DGKG: variants seen among roughly 807,000 people sequenced by gnomAD.
DGKG encodes DAG kinase gamma.
A neutral mutation model predicts 105.3 loss-of-function variants in DGKG; 78 were observed. The observed-to-expected ratio is 0.74, with a 90% CI of 0.62 to 0.89. The LOEUF (loss-of-function observed/expected upper bound fraction) is 0.89, where lower values mean the gene tolerates loss of function less well. DGKG is among the 40% of genes least tolerant of loss of function. DGKG has a pLI of 0.00. For synonymous variants in DGKG, 346 were observed against 367.1 expected (o/e 0.94, Z 0.66); for missense variants, 958 against 1,020.1 (o/e 0.94, Z 0.83).
intron 16 of DGKG, among the ~76,000 whole-genome samples, chr3:186,259,481 T>G (rs1015644908): frequency 1.3e-5 from 2 of 152,224 alleles, no homozygotes; most frequent in Non-Finnish European, 2.9e-5. Flanking sequence ...TTATGTTTCT[T>G]TCTCTTTTTA....
At chr3:186,164,149 A>G (rs1176083524) in intron 23 of DGKG, among the ~76,000 whole-genome samples, 1 of 152,134 alleles carries the variant, frequency 6.6e-6, no homozygotes, top group Non-Finnish European at 1.5e-5. Flanking sequence ...CCTTTGGGAA[A>G]CCCAGTATCC....
rs80175081 is a variant in DGKG, at chr3:186,229,121, A to G, written c.1826+13383T>C. Among the ~76,000 whole-genome samples the G allele has an allele frequency of 3.4e-3, 521 of 152,320 alleles. 5 individuals carry two copies. Among genetic ancestry groups the G allele is most frequent in the African/African-American group, 0.012 (491 of 41,568 alleles). The stretch of plus-strand genomic sequence containing the variant: ...AGGCAAAGATTTGCGTGACTGATAC[A>G]TCTACAAGCTAAGGATGTCAGACTG... On this transcript the variant is annotated intron_variant, in intron 20 of 24. Coordinates refer to ENST00000265022, the MANE Select transcript of DGKG (RefSeq NM_001346.3).
At chr3:186,263,122 G>A (rs1019248753) in intron 14 of DGKG, among the ~76,000 whole-genome samples, 30 of 132,272 alleles carry the variant, frequency 2.3e-4, no homozygotes, top group African/African-American at 6.8e-4. Flanking sequence ...GCAAGACTCC[G>A]TCTCGGAAAA....
intron 1 of DGKG, among the ~76,000 whole-genome samples, chr3:186,337,404 TA>T (rs958139674): frequency 2.6e-5 from 4 of 151,586 alleles, no homozygotes; most frequent in East Asian, 3.9e-4. Context: ...TGAAATATAA[TA>T]AAAAAACAAA....
intron 3 of DGKG, 129 bp from the exon 4 acceptor site, chr3:186,298,358 CT>C (rs1172280451): frequency 3.6e-6 from 3 of 827,510 alleles, no homozygotes; most frequent in African/African-American, 1.7e-5. Flanking sequence ...CATGGAGGAG[CT>C]GATGGGGACA....
At chr3:186,246,079 C>G (rs1371109510) in intron 19 of DGKG, among the ~76,000 whole-genome samples, 1 of 152,180 alleles carries the variant, frequency 6.6e-6, no homozygotes, top group Non-Finnish European at 1.5e-5. Context: ...TCAAGTGATT[C>G]TCCTGCCTCA....
At chr3:186,352,246 T>G (rs903911772) in intron 1 of DGKG, among the ~76,000 whole-genome samples, 2 of 152,136 alleles carry the variant, frequency 1.3e-5, no homozygotes, top group African/African-American at 2.4e-5. Flanking sequence ...AAGTGGACAT[T>G]GGTCTGAGTC....
intron 1 of DGKG, among the ~76,000 whole-genome samples, chr3:186,345,571 C>A (rs77272908): frequency 0.016 from 2,407 of 152,156 alleles, 61 homozygotes; most frequent in African/African-American, 0.055. Context: ...ATTTAAGTGT[C>A]AGGAATGAAA....
intron 3 of DGKG, among the ~76,000 whole-genome samples, chr3:186,305,473 TGG>T (rs1322580079): frequency 6.6e-6 from 1 of 152,008 alleles, no homozygotes; most frequent in Non-Finnish European, 1.5e-5. Context: ...GTCAGAGAGC[TGG>T]GGGAGGTGCA....
At chr3:186,254,177 C>A (rs373441100) in intron 17 of DGKG, among the ~76,000 whole-genome samples, 2 of 152,086 alleles carry the variant, frequency 1.3e-5, no homozygotes, top group Non-Finnish European at 2.9e-5. Flanking sequence ...TTCCATGAGA[C>A]CTCAGCACGC....
intron 9 of DGKG, among the ~76,000 whole-genome samples, chr3:186,278,637 C>A (rs1375124917): frequency 6.6e-6 from 1 of 152,078 alleles, no homozygotes; most frequent in Admixed American, 6.5e-5. Context: ...CTCCTTAGAG[C>A]TTGGAAAGCA....
intron 6 of DGKG, among the ~76,000 whole-genome samples, chr3:186,286,674 A>G (rs1723085002): frequency 6.6e-6 from 1 of 152,238 alleles, no homozygotes; most frequent in African/African-American, 2.4e-5. Flanking sequence ...AAGGAAGGAT[A>G]TAAATTGATA....
intron 22 of DGKG, among the ~76,000 whole-genome samples, chr3:186,186,334 A>C (rs1446034942): frequency 6.6e-6 from 1 of 152,172 alleles, no homozygotes; most frequent in Non-Finnish European, 1.5e-5. Flanking sequence ...TGGAACATCA[A>C]AGCACACAGA....
chr3:186,211,719 A>G (rs1273097650), intron 21 of DGKG, 76 bp downstream of exon 21: 1 of 1,095,488 alleles, frequency 9.1e-7, no homozygotes, highest in African/African-American at 1.5e-5. Context: ...TCCCAAGAGG[A>G]TACATCCTGT....
chr3:186,291,862 T>A (rs908840828), intron 5 of DGKG, among the ~76,000 whole-genome samples: 3 of 152,172 alleles, frequency 2.0e-5, no homozygotes, highest in African/African-American at 7.2e-5. Flanking sequence ...AACTTATTAA[T>A]TATACACTTA....
At chr3:186,279,432 C>G (rs1382824340) in intron 9 of DGKG, 1 of 154,804 alleles carries the variant, frequency 6.5e-6, no homozygotes, top group African/African-American at 2.4e-5. Context: ...GAAGCCACCC[C>G]CACAACAGAT....
chr3:186,224,524 T>C lies in DGKG; in HGVS notation c.1827-12639A>G, dbSNP rs576650424. 2.6e-5 allele frequency among the ~76,000 whole-genome samples: 4 copies of C among 152,274 alleles called. No individual in the cohort carries two copies. In the South Asian group the frequency reaches 8.3e-4, roughly 32 times the overall value. ...GTATGTGCACTCGAATGCAGGGGCTTTCACCAATGAATTCGGTAAAATATT... is the reference window on the plus strand; with the variant it reads ...GTATGTGCACTCGAATGCAGGGGCTCTCACCAATGAATTCGGTAAAATATT... On this transcript the variant is annotated intron_variant, in intron 20 of 24. Transcript: ENST00000265022.
chr3:186,357,060 G>A (rs1382704040), intron 1 of DGKG, among the ~76,000 whole-genome samples: 6 of 152,084 alleles, frequency 3.9e-5, no homozygotes, highest in African/African-American at 1.4e-4. Flanking sequence ...GCCATCTGTT[G>A]ATGGTGTTGT....
At chr3:186,227,760 C>A (rs1307068190) in intron 20 of DGKG, among the ~76,000 whole-genome samples, 1 of 152,052 alleles carries the variant, frequency 6.6e-6, no homozygotes, top group African/African-American at 2.4e-5. Context: ...ACCTTTTCAC[C>A]TTGTTTTTCA....
Sources: gnomAD v4.1 joint callset for allele counts (sites outside exome capture counted in the v4.1 genomes callset) on GRCh38, gnomAD v4.1.1 for gene constraint, MANE v1.5 for transcripts, NCBI Gene and HGNC (gene_info 2026-07-23, HGNC 2026-07-21) for gene names.